The following BMPR1A variants were observed in gnomAD, a reference collection of about 807,000 sequenced individuals.
The protein encoded by BMPR1A is bone morphogenetic protein receptor type 1A.
In BMPR1A, 7 loss-of-function variants were observed where a neutral mutation model predicts 66.0. The observed-to-expected ratio is 0.11, with a 90% CI of 0.06 to 0.20. BMPR1A has a LOEUF of 0.20. Ranked by LOEUF, BMPR1A falls within the 10% of genes least tolerant of loss-of-function variation. The probability of loss-of-function intolerance (pLI) is 1.00; values close to 1 mark genes in which losing one functional copy is unlikely to be tolerated. For synonymous variants in BMPR1A, 200 were observed against 229.7 expected, an observed-to-expected ratio of 0.87 and a Z score of 1.17; for missense variants, 408 against 669.1, an observed-to-expected ratio of 0.61 and a Z score of 4.31.
At chr10:86,868,778 G>GTTTTTTTTGTTTT (rs1554886239) in intron 2 of BMPR1A, among the ~76,000 whole-genome samples, 1 of 141,046 alleles carries the variant, frequency 7.1e-6, no homozygotes, top group Non-Finnish European at 1.5e-5. Context: ...CTTTTCCTGT[G>GTTTTTTTTGTTTT]TTTTTTTTTT....
intron 1 of BMPR1A, among the ~76,000 whole-genome samples, chr10:86,784,356 G>T (rs1329118814): frequency 7.2e-5 from 11 of 152,110 alleles, no homozygotes. Flanking sequence ...AGTTCAGATT[G>T]TTACATGATT....
intron 1 of BMPR1A, among the ~76,000 whole-genome samples, chr10:86,759,924 A>G (rs966744486): frequency 3.3e-5 from 5 of 151,978 alleles, no homozygotes; most frequent in African/African-American, 1.2e-4. Context: ...ATTTATTTTC[A>G]AATCTAGTGT....
chr10:86,905,240 T>C (rs2133491682), intron 7 of BMPR1A, among the ~76,000 whole-genome samples: 1 of 152,208 alleles, frequency 6.6e-6, no homozygotes, highest in East Asian at 1.9e-4. Flanking sequence ...AACCATGGCC[T>C]CCCTCCACTG....
chr10:86,919,684 TTTTTTTGTTTG>T lies in BMPR1A; in HGVS notation c.1166+226_1166+236del, dbSNP rs914476052. 4.0e-5 allele frequency among the ~76,000 whole-genome samples: 6 copies of T among 150,348 alleles called. No homozygotes were observed. The East Asian group carries it at 7.8e-4, about 19-fold the overall frequency. On this transcript the variant is annotated intron_variant, in intron 10 of 12. Transcript: ENST00000372037. ...GATATATATATATTTTTTTGGTGTT[TTTTTTTGTTTG>T]TTTTTTGTTTTTTGTTTTTTGTTTT...
At chr10:86,870,816 C>T (rs1332876854) in intron 2 of BMPR1A, among the ~76,000 whole-genome samples, 1 of 151,906 alleles carries the variant, frequency 6.6e-6, no homozygotes, top group South Asian at 2.1e-4. Context: ...CACACGGATT[C>T]TGCCCTAATC....
chr10:86,867,224 C>T (rs939882787), intron 2 of BMPR1A, among the ~76,000 whole-genome samples: 3 of 152,144 alleles, frequency 2.0e-5, no homozygotes, highest in Non-Finnish European at 4.4e-5. Context: ...GTTGACATGA[C>T]GCTCAAAGGA....
intron 1 of BMPR1A, among the ~76,000 whole-genome samples, chr10:86,805,545 T>A (rs767576196): frequency 7.1e-6 from 1 of 141,282 alleles, no homozygotes; most frequent in Non-Finnish European, 1.5e-5. Flanking sequence ...CACTGCAACC[T>A]CCACCTCCCC....
chr10:86,910,610 G>A (rs1843466907), intron 7 of BMPR1A, among the ~76,000 whole-genome samples: 2 of 151,984 alleles, frequency 1.3e-5, no homozygotes, highest in African/African-American at 4.8e-5. Context: ...CTGGGAGGAG[G>A]ATTTTTTTTT....
At chr10:86,897,057 T>C (rs1447141620) in intron 5 of BMPR1A, among the ~76,000 whole-genome samples, 1 of 152,220 alleles carries the variant, frequency 6.6e-6, no homozygotes, top group Non-Finnish European at 1.5e-5. Flanking sequence ...GCTGCATTGG[T>C]AAATTGTGCT....
rs1843730358 is a variant in BMPR1A, at chr10:86,925,721, C to CTTTTTTTTTTCTTTTTTTTTTTT, written c.*2012_*2013insCTTTTTTTTTTTTTTTTTTTTTT. On this transcript the variant is annotated 3_prime_UTR_variant, in exon 13 of 13. Coordinates refer to ENST00000372037, the MANE Select transcript of BMPR1A (RefSeq NM_004329.3). ...CATAATCTTTAAAATCATTTGTCAT[C>CTTTTTTTTTTCTTTTTTTTTTTT]TTTTTTTTTTTTTTTTTGAGACGGA... is the stretch of plus-strand genomic sequence containing the variant. The CTTTTTTTTTTCTTTTTTTTTTTT allele has an allele frequency of 8.6e-6, 1 of 116,306 alleles. No individual in the cohort carries two copies. Among genetic ancestry groups the CTTTTTTTTTTCTTTTTTTTTTTT allele is most frequent in the Non-Finnish European group, 1.6e-5 (1 of 62,794 alleles). The allele number at this position is 116,306 out of a possible 1,614,324, so 7.2% of individuals were successfully genotyped here.
intron 2 of BMPR1A, among the ~76,000 whole-genome samples, chr10:86,846,485 C>T (rs972361853): frequency 3.9e-5 from 6 of 152,132 alleles, no homozygotes; most frequent in Non-Finnish European, 8.8e-5. Context: ...GCCTTAGGGC[C>T]GTCAGCGTGC....
chr10:86,762,122 C>T (rs765367186), intron 1 of BMPR1A, among the ~76,000 whole-genome samples: 2 of 152,294 alleles, frequency 1.3e-5, no homozygotes, highest in Non-Finnish European at 1.5e-5. Flanking sequence ...CCCACTAACC[C>T]CCATGATATT....
intron 2 of BMPR1A, among the ~76,000 whole-genome samples, chr10:86,845,857 T>C (rs1469625424): frequency 2.0e-5 from 3 of 151,624 alleles, no homozygotes; most frequent in Non-Finnish European, 4.4e-5. Flanking sequence ...ATTAGCCGGG[T>C]GTGATGGCGG....
intron 1 of BMPR1A, among the ~76,000 whole-genome samples, chr10:86,800,252 G>A (rs1305593073): frequency 1.3e-5 from 2 of 152,150 alleles, no homozygotes; most frequent in Non-Finnish European, 2.9e-5. Context: ...AGCTAAGTAG[G>A]CTGTTCTCCC....
chr10:86,781,769 A>T (rs773810035), intron 1 of BMPR1A, among the ~76,000 whole-genome samples: 2 of 150,284 alleles, frequency 1.3e-5, no homozygotes, highest in Non-Finnish European at 3.0e-5. Context: ...AAGTGGAATT[A>T]TGCAGTACTT....
chr10:86,903,402 T>C (rs1021065732), intron 7 of BMPR1A, among the ~76,000 whole-genome samples: 3 of 151,970 alleles, frequency 2.0e-5, no homozygotes, highest in African/African-American at 7.3e-5. Flanking sequence ...TGAAATAATA[T>C]ACTAGATGAA....
chr10:86,867,739 G>C (rs1487150964), intron 2 of BMPR1A, among the ~76,000 whole-genome samples: 1 of 152,200 alleles, frequency 6.6e-6, no homozygotes, highest in African/African-American at 2.4e-5. Flanking sequence ...CATTTCTTCT[G>C]CATCTAATGT....
chr10:86,793,101 C>T (rs565084875), intron 1 of BMPR1A, among the ~76,000 whole-genome samples: 16 of 130,310 alleles, frequency 1.2e-4, no homozygotes, highest in Middle Eastern at 3.7e-3. Context: ...TATACCCCCC[C>T]CCACCCCCCG....
At chr10:86,773,257 A>G (rs1377425705) in intron 1 of BMPR1A, among the ~76,000 whole-genome samples, 1 of 151,862 alleles carries the variant, frequency 6.6e-6, no homozygotes, top group East Asian at 1.9e-4. Flanking sequence ...AAATATAATA[A>G]GATGTAGGGA....
Sources: gnomAD v4.1 joint callset for allele counts (sites outside exome capture counted in the v4.1 genomes callset) on GRCh38, gnomAD v4.1.1 for gene constraint, MANE v1.5 for transcripts, NCBI Gene and HGNC (gene_info 2026-07-23, HGNC 2026-07-21) for gene names.